TGFB2: variants seen among roughly 807,000 people sequenced by gnomAD.
TGFB2 encodes the protein transforming growth factor beta 2, also known as transforming growth factor beta-2 proprotein.
In TGFB2, 13 loss-of-function variants were observed where a neutral mutation model predicts 42.7. That is an observed-to-expected ratio of 0.30 (90% confidence interval 0.20 to 0.48). TGFB2 has a LOEUF of 0.48. TGFB2 is among the 20% of genes least tolerant of loss of function. The pLI is 0.99. For synonymous variants in TGFB2, 193 were observed against 193.6 expected (o/e 1.00, Z 0.03); for missense variants, 390 against 517.5 (o/e 0.75, Z 2.39).
At chr1:218,421,633 T>C (rs1463892152) in intron 2 of TGFB2, among the ~76,000 whole-genome samples, 1 of 151,994 alleles carries the variant, frequency 6.6e-6, no homozygotes, top group Non-Finnish European at 1.5e-5. Context: ...GAAGTGGGAT[T>C]GTGTCCCTTC....
intron 6 of TGFB2, among the ~76,000 whole-genome samples, chr1:218,438,917 G>GAGT (rs1571905624): frequency 6.6e-6 from 1 of 152,002 alleles, no homozygotes; most frequent in East Asian, 1.9e-4. Context: ...GACCAGCCTG[G>GAGT]TCAAGATGAT....
intron 1 of TGFB2, among the ~76,000 whole-genome samples, chr1:218,361,709 G>A (rs577141882): frequency 2.0e-5 from 3 of 152,172 alleles, no homozygotes; most frequent in Non-Finnish European, 2.9e-5. Context: ...GGTCAGATAC[G>A]AATGAGAAAA....
chr1:218,346,698 A>G lies in TGFB2; in HGVS notation c.-4A>G. 6.4e-7 allele frequency: 1 copy of G among 1,570,634 alleles called. No individual in the cohort carries two copies. Among genetic ancestry groups the G allele is most frequent in the South Asian group, 1.2e-5 (1 of 83,010 alleles). On this transcript the variant is annotated 5_prime_UTR_variant, in exon 1 of 7. Transcript: ENST00000366930. The surrounding 1 kb of genome is among the most constrained non-coding windows in gnomAD (Gnocchi z 4.9). Reference sequence around the variant, plus strand: ...AACAACTTTTTTTTCCACTTTTTTAAAAAATGCACTACTGTGTGCTGAGCG... The same window carrying G: ...AACAACTTTTTTTTCCACTTTTTTAGAAAATGCACTACTGTGTGCTGAGCG...
intron 2 of TGFB2, among the ~76,000 whole-genome samples, chr1:218,430,326 C>A (rs559662844): frequency 6.6e-6 from 1 of 151,378 alleles, no homozygotes; most frequent in African/African-American, 2.4e-5. Context: ...ACCCTGGAGG[C>A]GGAGGTTGCA....
intron 1 of TGFB2, among the ~76,000 whole-genome samples, chr1:218,359,628 T>C (rs1657148652): frequency 6.6e-6 from 1 of 152,234 alleles, no homozygotes; most frequent in African/African-American, 2.4e-5. Context: ...TGACCCTGAA[T>C]TGTTATACAT....
intron 2 of TGFB2, among the ~76,000 whole-genome samples, chr1:218,426,454 C>A (rs1249420439): frequency 6.6e-6 from 1 of 152,152 alleles, no homozygotes. Flanking sequence ...TTTCCAATGG[C>A]AGAGAAATGA....
chr1:218,405,402 T>C, intron 2 of TGFB2, 70 bp downstream of exon 2: 1 of 1,600,472 alleles, frequency 6.2e-7, no homozygotes, highest in Middle Eastern at 1.7e-4. Flanking sequence ...TCTCTCTCTC[T>C]GTCACAGGCT....
intron 1 of TGFB2, among the ~76,000 whole-genome samples, chr1:218,384,515 T>C (rs1192233812): frequency 6.6e-6 from 1 of 152,236 alleles, no homozygotes; most frequent in Non-Finnish European, 1.5e-5. Context: ...AGATAAATTA[T>C]TTAATCCTCA....
chr1:218,347,142 G>T, intron 1 of TGFB2, 95 bp downstream of exon 1: 2 of 1,215,926 alleles, frequency 1.6e-6, no homozygotes, highest in Non-Finnish European at 2.3e-6. Flanking sequence ...TCCCTCTCGC[G>T]GTTCCCGTTC....
At chr1:218,398,750 G>C (rs1658611692) in intron 1 of TGFB2, among the ~76,000 whole-genome samples, 1 of 151,988 alleles carries the variant, frequency 6.6e-6, no homozygotes, top group Non-Finnish European at 1.5e-5. Context: ...ACCACGCCCA[G>C]CTAATTTTTG....
intron 1 of TGFB2, among the ~76,000 whole-genome samples, chr1:218,371,295 C>T (rs1019657105): frequency 6.6e-6 from 1 of 152,080 alleles, no homozygotes; most frequent in African/African-American, 2.4e-5. Flanking sequence ...AGGGGAGACC[C>T]TGTCTCAATC....
intron 2 of TGFB2, among the ~76,000 whole-genome samples, chr1:218,424,779 A>G (rs191793981): frequency 6.6e-6 from 1 of 152,246 alleles, no homozygotes; most frequent in African/African-American, 2.4e-5. Flanking sequence ...CTGTGACTCA[A>G]TGATGTGTTG....
intron 2 of TGFB2, among the ~76,000 whole-genome samples, chr1:218,420,837 A>G (rs555057610): frequency 3.9e-5 from 6 of 152,364 alleles, no homozygotes; most frequent in African/African-American, 1.4e-4. Flanking sequence ...TCTGAGCTCC[A>G]AAGAGACTTG....
chr1:218,425,873 A>G (rs1207032859), intron 2 of TGFB2, among the ~76,000 whole-genome samples: 1 of 152,228 alleles, frequency 6.6e-6, no homozygotes, highest in East Asian at 1.9e-4. Flanking sequence ...GCTGAAGTGA[A>G]TGACTTGAGG....
chr1:218,410,543 C>T (rs1024777255), intron 2 of TGFB2, among the ~76,000 whole-genome samples: 2 of 152,150 alleles, frequency 1.3e-5, no homozygotes, highest in Non-Finnish European at 2.9e-5. Flanking sequence ...CTGGTGTGAT[C>T]AAGATAGGCT....
chr1:218,361,711 A>C (rs966876854), intron 1 of TGFB2, among the ~76,000 whole-genome samples: 2 of 152,232 alleles, frequency 1.3e-5, no homozygotes, highest in African/African-American at 2.4e-5. Context: ...TCAGATACGA[A>C]TGAGAAAACT....
intron 1 of TGFB2, chr1:218,363,364 G>T: frequency 1.9e-6 from 3 of 1,613,940 alleles, no homozygotes; most frequent in Non-Finnish European, 2.5e-6. Context: ...ACACCCTCTG[G>T]CTCAGTGGGC....
At chr1:218,359,560 T>C (rs1657146962) in intron 1 of TGFB2, among the ~76,000 whole-genome samples, 1 of 152,332 alleles carries the variant, frequency 6.6e-6, no homozygotes, top group East Asian at 1.9e-4. Context: ...TCATGTCTAA[T>C]TTTATTAACT....
At chr1:218,416,381 T>A (rs985551951) in intron 2 of TGFB2, among the ~76,000 whole-genome samples, 9 of 152,140 alleles carry the variant, frequency 5.9e-5, no homozygotes, top group African/African-American at 2.2e-4. Context: ...GCATGCATGT[T>A]TTTTTTCTCA....
Sources: allele counts gnomAD v4.1 joint callset (sites outside exome capture counted in the v4.1 genomes callset), GRCh38; gene constraint gnomAD v4.1.1; non-coding constraint Gnocchi (gnomAD v3.1); transcripts MANE v1.5; gene names NCBI Gene and HGNC (gene_info 2026-07-23, HGNC 2026-07-21).